Variants in TRIO observed in about 807,000 individuals in gnomAD.
TRIO encodes the protein trio Rho guanine nucleotide exchange factor.
TRIO carries 58 observed loss-of-function variants against 351.9 expected under a neutral mutation model. That is an observed-to-expected ratio of 0.16 (90% confidence interval 0.13 to 0.21). TRIO has a LOEUF of 0.21. TRIO is among the 10% of genes least tolerant of loss of function. The pLI, the probability that TRIO is intolerant of heterozygous loss-of-function variation, is 1.00. For synonymous variants in TRIO, 1,758 were observed against 1,595.7 expected (o/e 1.10, Z -2.42); for missense variants, 3,201 against 4,027.8 (o/e 0.79, Z 5.56).
intron 1 of TRIO, among the ~76,000 whole-genome samples, chr5:14,170,390 C>T (rs1246224374): frequency 6.6e-6 from 1 of 152,120 alleles, no homozygotes; most frequent in Admixed American, 6.5e-5. Flanking sequence ...GTTGCTTGAA[C>T]CCTCCACCCT....
chr5:14,203,184 A>C (rs1220747287), intron 1 of TRIO, among the ~76,000 whole-genome samples: 2 of 152,314 alleles, frequency 1.3e-5, no homozygotes, highest in South Asian at 4.1e-4. Flanking sequence ...ATCTGTTCTT[A>C]AAAAATAATG....
intron 34 of TRIO, among the ~76,000 whole-genome samples, chr5:14,438,623 T>G (rs1406689202): frequency 6.6e-6 from 1 of 152,218 alleles, no homozygotes; most frequent in East Asian, 1.9e-4. Context: ...ACCGAGTCTG[T>G]TCAGATTCTC....
intron 1 of TRIO, among the ~76,000 whole-genome samples, chr5:14,201,728 CT>C (rs1386795200): frequency 6.6e-5 from 10 of 152,080 alleles, no homozygotes; most frequent in Non-Finnish European, 1.5e-5. Flanking sequence ...AATTGTTCAT[CT>C]TTTTAAAACT....
At position 14,431,937 on chromosome 5, in the gene TRIO, C is replaced by G. The variant is rs184884051; in HGVS notation, c.5203+11916C>G. 2.6e-5 allele frequency among the ~76,000 whole-genome samples: 4 copies of G among 152,302 alleles called. No homozygotes were observed. The East Asian group carries it at 7.7e-4, about 29-fold the overall frequency. On this transcript the variant is annotated intron_variant, in intron 34 of 56. Transcript: ENST00000344204. ...CCAGTCAGGTTGGATCAGCACCCAC[C>G]CTAAGAGCCTCATTTTAATTTAATC...
intron 33 of TRIO, among the ~76,000 whole-genome samples, chr5:14,409,877 G>T (rs901475128): frequency 2.0e-5 from 3 of 149,364 alleles, no homozygotes. Flanking sequence ...GGTCTCTCCT[G>T]CCAGTTCCAC....
chr5:14,301,546 T>G (rs1435171479), intron 7 of TRIO, among the ~76,000 whole-genome samples: 2 of 152,142 alleles, frequency 1.3e-5, no homozygotes, highest in African/African-American at 4.8e-5. Flanking sequence ...AGCATTGCAG[T>G]CCCAACCTGG....
chr5:14,172,834 G>A (rs1789180137), intron 1 of TRIO, among the ~76,000 whole-genome samples: 1 of 152,242 alleles, frequency 6.6e-6, no homozygotes, highest in South Asian at 2.1e-4. Context: ...TAACATAGGT[G>A]CTATCTTGAG....
At chr5:14,478,584 A>G (rs1048232509) in intron 41 of TRIO, among the ~76,000 whole-genome samples, 6 of 152,068 alleles carry the variant, frequency 3.9e-5, no homozygotes, top group Non-Finnish European at 5.9e-5. Context: ...CTTCTTCTCT[A>G]CTAAAACCAA....
At position 14,396,443 on chromosome 5, in the gene TRIO, C is replaced by CTTTTTTTT. The variant is rs1173121592; in HGVS notation, c.4312-563_4312-556dup. ...ATAATAATTAAATATTTCTATTTAT[C>CTTTTTTTT]TTTTTTTTTTTTTTTTTTTTTTTTT... On this transcript the variant is annotated intron_variant, in intron 28 of 56. Coordinates refer to ENST00000344204, the MANE Select transcript of TRIO (RefSeq NM_007118.4). 3.9e-3 allele frequency among the ~76,000 whole-genome samples: 162 copies of CTTTTTTTT among 41,554 alleles called. 32 individuals carry two copies. The highest frequency in any genetic ancestry group is 5.6e-3 in the Non-Finnish European group (125 of 22,182). 27.3% of individuals were successfully genotyped at this position (41,554 alleles called of 152,430 possible). A position where few individuals can be genotyped will look rare whatever the true frequency, so the allele number is the denominator to read the frequency against.
intron 34 of TRIO, among the ~76,000 whole-genome samples, chr5:14,434,797 T>C (rs911153500): frequency 1.3e-5 from 2 of 152,270 alleles, no homozygotes; most frequent in Admixed American, 6.5e-5. Context: ...ACAATTACTT[T>C]TGCACCGACT....
intron 7 of TRIO, among the ~76,000 whole-genome samples, chr5:14,298,472 AT>A (rs1311000298): frequency 6.6e-6 from 1 of 152,158 alleles, no homozygotes; most frequent in Non-Finnish European, 1.5e-5. Flanking sequence ...CTCAGGGTTA[AT>A]TTTTGGGGGA....
rs1443932391 is a variant in TRIO at position 14,420,026 on chromosome 5, G to A, written c.5203+5G>A. 1.9e-6 allele frequency: 3 copies of A among 1,609,992 alleles called. No homozygotes were observed. Among genetic ancestry groups the A allele is most frequent in the Admixed American group, 1.7e-5 (1 of 59,960 alleles). On this transcript the variant is annotated splice_donor_5th_base_variant and intron_variant, in intron 34 of 56. Transcript: ENST00000344204. ...AGGGCATCTTCAACCACAAAGGTAG[G>A]AATCAGTGGGGCATGGGTGGCAGAC...
At chr5:14,475,888 A>T (rs1486039732) in intron 40 of TRIO, among the ~76,000 whole-genome samples, 2 of 152,214 alleles carry the variant, frequency 1.3e-5, no homozygotes, top group Non-Finnish European at 2.9e-5. Flanking sequence ...TTTATGAGTT[A>T]ATGTAATACC....
rs539516161 is a variant in TRIO, at chr5:14,291,514, C to T, written c.1053+286C>T. Among the ~76,000 whole-genome samples the T allele has an allele frequency of 4.0e-5, 6 of 151,898 alleles. No homozygotes were observed. In the East Asian group the frequency reaches 7.7e-4, roughly 20 times the overall value. ...TTTTCACTTAAAAGAGTGAACATTT[C>T]GGCCGTGCTCACGCCTGTAATCCCA... On this transcript the variant is annotated intron_variant, in intron 5 of 56. Coordinates refer to ENST00000344204, the MANE Select transcript of TRIO (RefSeq NM_007118.4).
intron 2 of TRIO, among the ~76,000 whole-genome samples, chr5:14,276,254 C>T (rs1735509887): frequency 1.3e-5 from 2 of 152,164 alleles, no homozygotes; most frequent in Admixed American, 1.3e-4. Context: ...TTGTTAGCAT[C>T]CTAGCATAGT....
chr5:14,432,066 G>A (rs1333964561), intron 34 of TRIO, among the ~76,000 whole-genome samples: 1 of 152,214 alleles, frequency 6.6e-6, no homozygotes, highest in Non-Finnish European at 1.5e-5. Context: ...CCCATAGCAA[G>A]GGGGCCATTG....
rs1788807119 is a variant in TRIO at position 14,166,993 on chromosome 5, C to A, written c.157+23111C>A. Among the ~76,000 whole-genome samples, 3 of 152,024 alleles carry A rather than the reference C, an allele frequency of 2.0e-5. No homozygotes were observed. The South Asian group carries it at 6.2e-4, about 32-fold the overall frequency. ...CTGTTAATAATTAGTCCTCAAGCGC[C>A]CATTCTTGGGCTTATGTCTTCTGCA... is the stretch of plus-strand genomic sequence containing the variant. On this transcript the variant is annotated intron_variant, in intron 1 of 56. Coordinates refer to ENST00000344204, the MANE Select transcript of TRIO (RefSeq NM_007118.4).
chr5:14,372,309 G>A, intron 18 of TRIO, among the ~76,000 whole-genome samples: 1 of 151,942 alleles, frequency 6.6e-6, no homozygotes, highest in African/African-American at 2.4e-5. Context: ...TGCCAGTGGT[G>A]CTTGTACTTC....
intron 1 of TRIO, among the ~76,000 whole-genome samples, chr5:14,185,861 T>C (rs1329373027): frequency 6.6e-6 from 1 of 151,822 alleles, no homozygotes; most frequent in Non-Finnish European, 1.5e-5. Context: ...TGGGGTGGGG[T>C]GAGGAGTGTG....
Sources: allele counts gnomAD v4.1 joint callset (sites outside exome capture counted in the v4.1 genomes callset), GRCh38; gene constraint gnomAD v4.1.1; transcripts MANE v1.5; gene names NCBI Gene and HGNC (gene_info 2026-07-23, HGNC 2026-07-21).